PES1: variants seen among roughly 807,000 people sequenced by gnomAD.
PES1 encodes the protein pescadillo ribosomal biogenesis factor 1.
In PES1, 31 loss-of-function variants were observed where a neutral mutation model predicts 77.1. That is an observed-to-expected ratio of 0.40 (90% CI 0.30 to 0.54). The LOEUF is 0.54. PES1 is among the 20% of genes least tolerant of loss of function. The pLI is 0.45. For synonymous variants in PES1, 282 were observed against 303.0 expected (o/e 0.93, Z 0.72); for missense variants, 658 against 771.7 (o/e 0.85, Z 1.75).
chr22:30,589,306 G>T (rs780894743), intron 1 of PES1, 36 bp from the exon 2 acceptor site: 2 of 1,527,538 alleles, frequency 1.3e-6, no homozygotes, highest in South Asian at 1.1e-5. Flanking sequence ...CATTAGCAAT[G>T]ATTGTAGTGA....
chr22:30,579,226 CATT>C lies in PES1; in HGVS notation c.1429_1431del (p.Asn477del). Reference sequence around the variant, plus strand: ...GCCTCTGCATCTTCCTCCTCCTCCTCATTTTCTCCCTCTTCATCACCATCACCT... The same window carrying C: ...GCCTCTGCATCTTCCTCCTCCTCCTCTTCTCCCTCTTCATCACCATCACCT... On this transcript the variant is annotated inframe_deletion, in exon 13 of 15. Transcript: ENST00000354694. 1 of 1,605,184 alleles carries C rather than the reference CATT, an allele frequency of 6.2e-7. No individual in the cohort carries two copies. Among genetic ancestry groups the C allele is most frequent in the East Asian group, 2.2e-5 (1 of 44,870 alleles).
At chr22:30,581,916 TAA>T (rs1442952024) in intron 6 of PES1, among the ~76,000 whole-genome samples, 1 of 152,062 alleles carries the variant, frequency 6.6e-6, no homozygotes, top group African/African-American at 2.4e-5. Flanking sequence ...CAGACCCCCA[TAA>T]AAGAGTGAGA....
intron 4 of PES1, among the ~76,000 whole-genome samples, 154 bp from the exon 5 acceptor site, chr22:30,584,871 A>G (rs2087052062): frequency 6.6e-6 from 1 of 152,100 alleles, no homozygotes; most frequent in Admixed American, 6.5e-5. Context: ...CCCACAGCTG[A>G]CCACAGCCCC....
chr22:30,587,448 A>G (rs73881483), intron 3 of PES1, 53 bp from the exon 4 acceptor site: 28,565 of 1,379,846 alleles, frequency 0.021, 601 homozygotes, highest in African/African-American at 0.097. Context: ...CTCCTGGACA[A>G]CTTCTTCCAT....
At position 30,584,407 on chromosome 22, in the gene PES1, C is replaced by T. The variant is rs2087037716; in HGVS notation, c.588G>A (p.Gly196=). 2 of 1,612,386 alleles carry T rather than the reference C, an allele frequency of 1.2e-6. No homozygotes were observed. Among genetic ancestry groups the T allele is most frequent in the South Asian group, 2.2e-5 (2 of 90,714 alleles). Residue 196 remains glycine (G), a synonymous_variant, in exon 6 of 15, where the codon GGG becomes GGA. Coordinates refer to ENST00000354694, the MANE Select transcript of PES1 (RefSeq NM_014303.4). The part of the protein sequence containing the change: ...KGIYYQAEVL[G]QPIVWITPYA... ...AGGGAGTGATCCACACGATGGGCTG[C>T]CCCAGTACCTCGGCCTGGTAGTAAA...
At position 30,605,478 on chromosome 22, in the gene PES1, G is replaced by A. The variant is rs566384186; in HGVS notation, c.-678C>T. On this transcript the variant is annotated 5_prime_UTR_variant, in exon 2 of 17. Coordinates refer to the PES1 transcript ENST00000402281. ...CTTCTCACCAGAGGCTGACGATAAC[G>A]AAGGCTATCCTCCATGGCCACCTCC... 17 of 985,354 alleles carry A rather than the reference G, an allele frequency of 1.7e-5. No homozygotes were observed. The East Asian group carries it at 1.1e-3, about 66-fold the overall frequency. The allele number at this position is 985,354 out of a possible 1,614,324, so 61.0% of individuals were successfully genotyped here.
intron 14 of PES1, 49 bp downstream of exon 14, chr22:30,578,788 T>C (rs2086937778): frequency 7.5e-6 from 12 of 1,597,266 alleles, no homozygotes; most frequent in Non-Finnish European, 7.7e-6. Flanking sequence ...ACCTGTGCAG[T>C]TGGGTCTGGT....
chr22:30,587,458 T>C (rs924856619), intron 3 of PES1, 63 bp from the exon 4 acceptor site: 11 of 1,285,224 alleles, frequency 8.6e-6, no homozygotes, highest in Non-Finnish European at 1.0e-5. Context: ...ACTTCTTCCA[T>C]GGAAGATGGA....
At chr22:30,581,973 C>T (rs1246299961) in intron 6 of PES1, among the ~76,000 whole-genome samples, 1 of 152,220 alleles carries the variant, frequency 6.6e-6, no homozygotes, top group African/African-American at 2.4e-5. Context: ...GCTGGCCCTC[C>T]CCTCCCTGCT....
At chr22:30,579,497 G>T in intron 12 of PES1, 194 bp from the exon 13 acceptor site, 2 of 876,650 alleles carry the variant, frequency 2.3e-6, no homozygotes, top group Non-Finnish European at 3.4e-6. Flanking sequence ...AAGACCCCCA[G>T]TCCTGAGCTC....
intron 6 of PES1, among the ~76,000 whole-genome samples, chr22:30,583,194 G>C (rs368298839): frequency 6.6e-6 from 1 of 152,164 alleles, no homozygotes; most frequent in African/African-American, 2.4e-5. Context: ...CTGGGGAAGG[G>C]AAGAAGGAAG....
At position 30,581,264 on chromosome 22, in the gene PES1, C is replaced by T. The variant is rs551545035; in HGVS notation, c.822+70G>A. 1.6e-4 allele frequency: 237 copies of T among 1,521,624 alleles called. 1 individual carries two copies. In the Middle Eastern group the frequency reaches 2.7e-3, roughly 17 times the overall value. 94.3% of individuals were successfully genotyped at this position (1,521,624 alleles called of 1,614,324 possible). A position where few individuals can be genotyped will look rare whatever the true frequency, so the allele number is the denominator to read the frequency against. On this transcript the variant is annotated intron_variant, in intron 8 of 14. Transcript: ENST00000354694. ...ATAACCACCCCCACTCTGAACCAGACCCCCAGAGGTGTTGGGGACAGAGAC... is the reference window on the plus strand; with the variant it reads ...ATAACCACCCCCACTCTGAACCAGATCCCCAGAGGTGTTGGGGACAGAGAC...
At position 30,581,538 on chromosome 22, in the gene PES1, T is replaced by C. The variant is rs751382434; in HGVS notation, c.737A>G (p.Tyr246Cys). The C allele has an allele frequency of 1.2e-6, 2 of 1,613,364 alleles. No homozygotes were observed. Among genetic ancestry groups the C allele is most frequent in the South Asian group, 2.2e-5 (2 of 91,064 alleles). The change falls in exon 7 of 15, where the codon TAT becomes TGT. Residue 246 changes from tyrosine (Y) to cysteine (C), a missense_variant. Physicochemically the swap from Tyr to Cys is radical, Grantham distance 194. Coordinates refer to ENST00000354694, the MANE Select transcript of PES1 (RefSeq NM_014303.4). ...GGGCTGGGGTCCTACCTTCGGGGGA[T>C]AGTGGAGGTTGAGCAACTGGTAAAG... ...FRLYQLLNLH[Y>C]PPKLEGQAQA... is the part of the protein sequence containing the mutation.
upstream of PES1, among the ~76,000 whole-genome samples, chr22:30,596,904 G>A (rs2087260864): frequency 6.6e-6 from 1 of 152,196 alleles, no homozygotes; most frequent in African/African-American, 2.4e-5. Flanking sequence ...GGCGCTTGCG[G>A]GCCAGCTAGA....
At chr22:30,594,347 C>T (rs2087225151), upstream of PES1, among the ~76,000 whole-genome samples, 1 of 150,568 alleles carries the variant, frequency 6.6e-6, no homozygotes, top group Admixed American at 6.6e-5. Flanking sequence ...TGGTGAAACC[C>T]CATCTCTACT....
At chr22:30,598,720 C>T (rs987613765) in intron 2 of PES1, among the ~76,000 whole-genome samples, 2 of 151,952 alleles carry the variant, frequency 1.3e-5, no homozygotes, top group African/African-American at 4.8e-5. Context: ...TGAACCACCA[C>T]AACCGGCCTA....
intron 14 of PES1, among the ~76,000 whole-genome samples, chr22:30,578,379 G>T (rs1407217273): frequency 6.6e-6 from 1 of 152,196 alleles, no homozygotes; most frequent in African/African-American, 2.4e-5. Context: ...ACTACAGGCT[G>T]CTCTATTCCA....
intron 14 of PES1, among the ~76,000 whole-genome samples, chr22:30,578,614 C>T (rs183626576): frequency 2.4e-4 from 36 of 152,222 alleles, no homozygotes; most frequent in African/African-American, 7.9e-4. Context: ...CGGGGTGGGA[C>T]GGAAGCCGTA....
At chr22:30,601,003 G>A (rs913000989) in intron 2 of PES1, among the ~76,000 whole-genome samples, 1 of 152,240 alleles carries the variant, frequency 6.6e-6, no homozygotes, top group African/African-American at 2.4e-5. Flanking sequence ...GTTTGTAGCT[G>A]CCTCAAGGCA....
Sources: allele counts gnomAD v4.1 joint callset (sites outside exome capture counted in the v4.1 genomes callset), GRCh38; gene constraint gnomAD v4.1.1; transcripts MANE v1.5; gene names NCBI Gene and HGNC (gene_info 2026-07-23, HGNC 2026-07-21).